Variants in MIER2 observed in about 807,000 individuals in gnomAD.
MIER2 encodes the protein mesoderm induction early response protein 2.
MIER2 carries 30 observed loss-of-function variants against 67.6 expected under a neutral mutation model. The observed-to-expected ratio is 0.44, with a 90% CI of 0.33 to 0.60. The LOEUF is 0.60. Ranked by LOEUF, MIER2 falls within the 20% of genes least tolerant of loss-of-function variation. MIER2 has a pLI of 0.02. For synonymous variants in MIER2, 372 were observed against 312.6 expected, an observed-to-expected ratio of 1.19 and a Z score of -2.00; for missense variants, 702 against 745.1, an observed-to-expected ratio of 0.94 and a Z score of 0.67.
At chr19:341,586 G>A (rs1972505345) in intron 1 of MIER2, among the ~76,000 whole-genome samples, 1 of 152,060 alleles carries the variant, frequency 6.6e-6, no homozygotes, top group African/African-American at 2.4e-5. Flanking sequence ...GCCCCTGCCT[G>A]GTGTCCAGGT....
chr19:331,079 T>A (rs1972000530), intron 3 of MIER2, among the ~76,000 whole-genome samples: 1 of 152,154 alleles, frequency 6.6e-6, no homozygotes, highest in African/African-American at 2.4e-5. Flanking sequence ...AGACAGAAAC[T>A]GACCAGGCGT....
chr19:320,436 C>A (rs1015599215), intron 7 of MIER2, among the ~76,000 whole-genome samples: 1 of 151,550 alleles, frequency 6.6e-6, no homozygotes, highest in African/African-American at 2.4e-5. Context: ...AAAATAGATA[C>A]GTAAATAAAA....
chr19:306,306 C>T lies in MIER2; in HGVS notation c.*384G>A, dbSNP rs913465390. The T allele has an allele frequency of 2.9e-5, 8 of 279,332 alleles. No individual in the cohort carries two copies. Among genetic ancestry groups the T allele is most frequent in the African/African-American group, 1.3e-4 (6 of 44,514 alleles). The allele number at this position is 279,332 out of a possible 1,614,324, so 17.3% of individuals were successfully genotyped here. A position where few individuals can be genotyped will look rare whatever the true frequency, so the allele number is the denominator to read the frequency against. On this transcript the variant is annotated 3_prime_UTR_variant, in exon 14 of 14. Coordinates refer to ENST00000264819, the MANE Select transcript of MIER2 (RefSeq NM_017550.3). Reference sequence around the variant, plus strand: ...CTGGTGCGGGGCAGGGCGTCCTGCCCGTCTCCCCGCCGGGGCAGTGACGCC... The same window carrying T: ...CTGGTGCGGGGCAGGGCGTCCTGCCTGTCTCCCCGCCGGGGCAGTGACGCC...
rs1970647503 is a variant in MIER2, at chr19:306,334, C to T, written c.*356G>A. 1 of 351,772 alleles carries T rather than the reference C, an allele frequency of 2.8e-6. No individual in the cohort carries two copies. The highest frequency in any genetic ancestry group is 5.5e-5 in the South Asian group (1 of 18,186). The allele number at this position is 351,772 out of a possible 1,614,324, so 21.8% of individuals were successfully genotyped here. A position where few individuals can be genotyped will look rare whatever the true frequency, so the allele number is the denominator to read the frequency against. On this transcript the variant is annotated 3_prime_UTR_variant, in exon 14 of 14. Coordinates refer to ENST00000264819, the MANE Select transcript of MIER2 (RefSeq NM_017550.3). ...CTCCCCGCCGGGGCAGTGACGCCTT[C>T]CCTCGCCTCTGCTGGCTGGAAGGGA... is the stretch of plus-strand genomic sequence containing the variant.
chr19:322,416 T>C (rs1971539861), intron 7 of MIER2, among the ~76,000 whole-genome samples: 1 of 152,062 alleles, frequency 6.6e-6, no homozygotes, highest in South Asian at 2.1e-4. Context: ...AGAGAGTCAA[T>C]GGGCAAACCA....
At chr19:343,007 C>T (rs940623067) in intron 1 of MIER2, among the ~76,000 whole-genome samples, 3 of 152,154 alleles carry the variant, frequency 2.0e-5, no homozygotes, top group African/African-American at 7.2e-5. Context: ...CTCTCTCTGA[C>T]CAGACTCTGC....
At chr19:336,324 A>C (rs994065111) in intron 1 of MIER2, 151 bp from the exon 2 acceptor site, 9 of 644,148 alleles carry the variant, frequency 1.4e-5, no homozygotes, top group African/African-American at 1.8e-5. Context: ...GCTGGGGGGC[A>C]CTAGGAGCAG....
At chr19:314,560 G>A (rs970121406) in intron 7 of MIER2, among the ~76,000 whole-genome samples, 2 of 152,142 alleles carry the variant, frequency 1.3e-5, no homozygotes, top group African/African-American at 2.4e-5. Context: ...TCCACTGCCG[G>A]GGGCTGACGC....
intron 3 of MIER2, among the ~76,000 whole-genome samples, chr19:329,242 G>A (rs1254648565): frequency 6.6e-6 from 1 of 151,806 alleles, no homozygotes; most frequent in Non-Finnish European, 1.5e-5. Flanking sequence ...TTCTCCAGGT[G>A]GAATATCTAC....
chr19:326,867 G>A (rs576884001), intron 5 of MIER2: 34 of 581,098 alleles, frequency 5.9e-5, no homozygotes, highest in African/African-American at 3.2e-4. Flanking sequence ...GAAGGAGGCC[G>A]GTTCTGGGAA....
chr19:315,319 C>G (rs554777629), intron 7 of MIER2, among the ~76,000 whole-genome samples: 3 of 151,310 alleles, frequency 2.0e-5, no homozygotes, highest in African/African-American at 7.3e-5. Context: ...GAGCCAAGAT[C>G]GCGCCACTGC....
At chr19:323,387 C>G (rs1161262552) in intron 7 of MIER2, among the ~76,000 whole-genome samples, 1 of 151,474 alleles carries the variant, frequency 6.6e-6, no homozygotes, top group Non-Finnish European at 1.5e-5. Context: ...CACAACCACA[C>G]AGATGACTCA....
At chr19:327,843 C>T in intron 4 of MIER2, 21 bp downstream of exon 4, 1 of 1,610,450 alleles carries the variant, frequency 6.2e-7, no homozygotes, top group Non-Finnish European at 8.5e-7. Context: ...TGAGCCAGTT[C>T]CAGGAAGGGC....
intron 1 of MIER2, among the ~76,000 whole-genome samples, chr19:342,570 A>T (rs1383880231): frequency 1.3e-5 from 2 of 150,472 alleles, no homozygotes; most frequent in Non-Finnish European, 3.0e-5. Context: ...TTTAGGTAGG[A>T]GCAAAAGATG....
intron 7 of MIER2, among the ~76,000 whole-genome samples, chr19:322,489 A>G (rs2145438284): frequency 6.6e-6 from 1 of 152,310 alleles, no homozygotes; most frequent in East Asian, 1.9e-4. Context: ...CAAAATGTGA[A>G]TGACTACAAA....
chr19:313,311 A>G (rs993695435), intron 8 of MIER2, among the ~76,000 whole-genome samples, 181 bp downstream of exon 8: 10 of 152,130 alleles, frequency 6.6e-5, no homozygotes, highest in Non-Finnish European at 1.5e-4. Context: ...CTCCTCCCTG[A>G]TACGTGGTTT....
chr19:330,680 G>A (rs1043793977), intron 3 of MIER2, among the ~76,000 whole-genome samples: 2 of 152,102 alleles, frequency 1.3e-5, no homozygotes, highest in African/African-American at 4.8e-5. Context: ...GGTTCAAGGA[G>A]GCCGTGAGGG....
chr19:325,628 T>C lies in MIER2; in HGVS notation c.655+7A>G. 6.2e-7 allele frequency: 1 copy of C among 1,614,176 alleles called. No homozygotes were observed. ...GGTTTCGCCTCCTCTCCCCAGGCCC[T>C]ACTTACTCTTCTCACAGTGCCGGTT... On this transcript the variant is annotated splice_region_variant and intron_variant, in intron 7 of 13. Transcript: ENST00000264819.
chr19:308,747 C>G lies in MIER2; in HGVS notation c.1109+54G>C. 6.3e-7 allele frequency: 1 copy of G among 1,593,454 alleles called. No individual in the cohort carries two copies. Among genetic ancestry groups the G allele is most frequent in the Non-Finnish European group, 8.6e-7 (1 of 1,165,822 alleles). ...AGGTGCCGCCCAGGCGCCCACGTGC[C>G]CACCCCCGGCGGGGTGGCCGCCTGT... On this transcript the variant is annotated intron_variant, in intron 11 of 13. Transcript: ENST00000264819. This position sits in a 1 kb window ranked among gnomAD's most constrained non-coding sequence, Gnocchi z 9.1.
Sources: gnomAD v4.1 joint callset for allele counts (sites outside exome capture counted in the v4.1 genomes callset) on GRCh38, gnomAD v4.1.1 for gene constraint, Gnocchi (gnomAD v3.1) non-coding constraint, MANE v1.5 for transcripts, NCBI Gene and HGNC (gene_info 2026-07-23, HGNC 2026-07-21) for gene names.